The following DOCK7 variants were observed in gnomAD, a reference collection of about 807,000 sequenced individuals.
The protein encoded by DOCK7 is dedicator of cytokinesis 7.
DOCK7 carries 138 observed loss-of-function variants against 271.0 expected under a neutral mutation model. That is an observed-to-expected ratio of 0.51 (90% CI 0.44 to 0.59). DOCK7 has a LOEUF of 0.59. DOCK7 is among the 20% of genes least tolerant of loss of function. The pLI is 0.00. For missense variants in DOCK7, 2,066 were observed against 2,592.4 expected (o/e 0.80, Z 4.41); for synonymous variants, 823 against 876.1 (o/e 0.94, Z 1.07).
chr1:62,530,464 C>T (rs745833111), intron 29 of DOCK7, among the ~76,000 whole-genome samples: 16 of 152,208 alleles, frequency 1.1e-4, no homozygotes, highest in Non-Finnish European at 1.9e-4. Context: ...GAAAATACAT[C>T]ATCACTTTAA....
At chr1:62,679,994 A>G (rs1440605563) in intron 1 of DOCK7, among the ~76,000 whole-genome samples, 1 of 152,214 alleles carries the variant, frequency 6.6e-6, no homozygotes, top group East Asian at 1.9e-4. Flanking sequence ...TGCCATCCCC[A>G]TCAAGCTACC....
chr1:62,498,689 A>G (rs1571303416), intron 37 of DOCK7, among the ~76,000 whole-genome samples: 1 of 151,822 alleles, frequency 6.6e-6, no homozygotes. Flanking sequence ...CCCAATGCCT[A>G]CCAAAGCAGC....
chr1:62,574,696 C>T (rs528077100), intron 18 of DOCK7, among the ~76,000 whole-genome samples: 81 of 152,200 alleles, frequency 5.3e-4, no homozygotes, highest in African/African-American at 1.6e-3. Context: ...CTAAAACAAA[C>T]GAATAAAGAT....
chr1:62,543,515 A>C (rs1212339020), intron 24 of DOCK7, 141 bp downstream of exon 24: 2 of 530,138 alleles, frequency 3.8e-6, no homozygotes, highest in Non-Finnish European at 6.7e-6. Context: ...GGCATCAGAC[A>C]AGCAATGCTT....
Position 62,457,620 on chromosome 1 carries a change from G to A in DOCK7, c.6298C>T (p.Arg2100Cys), listed in dbSNP as rs763902201. 18 of 1,614,156 alleles carry A rather than the reference G, an allele frequency of 1.1e-5. No homozygotes were observed. Among genetic ancestry groups the A allele is most frequent in the Admixed American group, 3.3e-5 (2 of 60,018 alleles). ...AGTGGCTGTAGGGCCTCTTTAAGGC[G>A]ATGATAGTTTCTCTCCAGTTCCCTT... Reference protein sequence around the residue: ...YQRELERNYHRLKEALQPLIN... With the variant: ...YQRELERNYHCLKEALQPLIN... The change falls in exon 49 of 50, where the codon CGC becomes TGC. Residue 2100 changes from arginine to cysteine, a missense_variant. By Grantham distance (180) the Arg-to-Cys change is radical. Transcript: ENST00000635253.
intron 11 of DOCK7, among the ~76,000 whole-genome samples, chr1:62,630,122 C>A (rs1216770568): frequency 1.3e-5 from 2 of 152,114 alleles, no homozygotes; most frequent in African/African-American, 4.8e-5. Flanking sequence ...GCTAAGGAAC[C>A]TGGGAGTGGC....
At chr1:62,666,824 T>C (rs139716491) in intron 1 of DOCK7, among the ~76,000 whole-genome samples, 41 of 152,328 alleles carry the variant, frequency 2.7e-4, no homozygotes, top group South Asian at 4.1e-4. Flanking sequence ...AAAAATTCTG[T>C]AGTTACTTAT....
intron 12 of DOCK7, chr1:62,625,031 T>C: frequency 2.7e-6 from 1 of 372,138 alleles, no homozygotes; most frequent in South Asian, 7.3e-5. Context: ...GATGCATTAT[T>C]AGTCATGGTC....
At chr1:62,521,975 C>G (rs191807876) in intron 31 of DOCK7, among the ~76,000 whole-genome samples, 19 of 151,120 alleles carry the variant, frequency 1.3e-4, no homozygotes, top group Non-Finnish European at 2.8e-4. Flanking sequence ...GATATCATCT[C>G]AAAAAATAAA....
intron 36 of DOCK7, among the ~76,000 whole-genome samples, 163 bp from the exon 37 acceptor site, chr1:62,504,945 C>A (rs1646897198): frequency 1.3e-5 from 2 of 152,182 alleles, no homozygotes; most frequent in South Asian, 4.1e-4. Flanking sequence ...CAGAGTCAAA[C>A]TGGGTTCGAA....
chr1:62,619,412 G>T (rs1652857491), intron 13 of DOCK7, among the ~76,000 whole-genome samples: 1 of 152,156 alleles, frequency 6.6e-6, no homozygotes, highest in Non-Finnish European at 1.5e-5. Flanking sequence ...CCTAGTGGAT[G>T]CCTGAAACTG....
chr1:62,478,624 G>A (rs1365050993), intron 43 of DOCK7: 3 of 152,120 alleles, frequency 2.0e-5, no homozygotes, highest in Non-Finnish European at 4.4e-5. Context: ...TGTTGGCTAG[G>A]CTGTTCTCAA....
intron 13 of DOCK7, 140 bp downstream of exon 13, chr1:62,619,760 G>A: frequency 2.1e-6 from 1 of 485,588 alleles, no homozygotes; most frequent in Non-Finnish European, 3.6e-6. Context: ...AGTTAATAAA[G>A]TGAAGAAGAC....
chr1:62,506,949 A>AAAATAAATAAATAAATAAAT (rs375137004), intron 35 of DOCK7, among the ~76,000 whole-genome samples: 10 of 138,664 alleles, frequency 7.2e-5, no homozygotes, highest in Admixed American at 2.9e-4. Context: ...CTCCACCTCA[A>AAAATAAATAAATAAATAAAT]AAATAAATAA....
chr1:62,552,347 T>C lies in DOCK7; in HGVS notation c.2766+385A>G, dbSNP rs118057607. Among the ~76,000 whole-genome samples the C allele has an allele frequency of 1.3e-3, 202 of 152,324 alleles. 4 individuals are homozygous for C. In the East Asian group the frequency reaches 0.031, roughly 24 times the overall value. On this transcript the variant is annotated intron_variant, in intron 22 of 49. Coordinates refer to ENST00000635253, the MANE Select transcript of DOCK7 (RefSeq NM_001367561.1). ...ATGGAAAATTGTTTAATCACTCTTC[T>C]GGATATTTTTTGGAGAAGAGGATCT...
chr1:62,662,279 A>T (rs916614389), intron 2 of DOCK7, among the ~76,000 whole-genome samples: 13 of 152,162 alleles, frequency 8.5e-5, no homozygotes, highest in Non-Finnish European at 1.2e-4. Flanking sequence ...GAATTTCCTC[A>T]TGCCAGCTTC....
chr1:62,655,358 G>A (rs1657879899), intron 2 of DOCK7, among the ~76,000 whole-genome samples: 1 of 152,024 alleles, frequency 6.6e-6, no homozygotes. Context: ...CCTCTGTGCA[G>A]GTGCACATTA....
chr1:62,625,364 ACTAGAATTCCTC>A lies in DOCK7; in HGVS notation c.1308_1319del (p.Arg436_Ser439del). 6.2e-7 allele frequency: 1 copy of A among 1,613,454 alleles called. No individual in the cohort carries two copies. Among genetic ancestry groups the A allele is most frequent in the Non-Finnish European group, 8.5e-7 (1 of 1,179,606 alleles). On this transcript the variant is annotated inframe_deletion, in exon 12 of 50. Transcript: ENST00000635253. ...TTTCAAGTGATCGTCTGCCAACAAT[ACTAGAATTCCTC>A]CTCTCTGACCAAGACCCTTTTCGTT...
At chr1:62,650,472 C>A (rs1210688990) in intron 4 of DOCK7, among the ~76,000 whole-genome samples, 1 of 152,132 alleles carries the variant, frequency 6.6e-6, no homozygotes, top group Non-Finnish European at 1.5e-5. Flanking sequence ...AGAGCTTCTG[C>A]ACAGCAAAAG....
Sources: gnomAD v4.1 joint callset for allele counts (sites outside exome capture counted in the v4.1 genomes callset) on GRCh38, gnomAD v4.1.1 for gene constraint, MANE v1.5 for transcripts, NCBI Gene and HGNC (gene_info 2026-07-23, HGNC 2026-07-21) for gene names.